Variants in ZNF800 observed in about 807,000 individuals in gnomAD.
ZNF800 encodes zinc finger protein 800.
Under a neutral mutation model 59.5 loss-of-function variants are expected in ZNF800, and 13 were observed. The observed-to-expected ratio is 0.22, with a 90% CI of 0.14 to 0.35. The LOEUF (loss-of-function observed/expected upper bound fraction) is 0.35. ZNF800 is among the 10% of genes least tolerant of loss of function. The pLI is 1.00. For synonymous variants in ZNF800, 266 were observed against 265.7 expected (o/e 1.00, Z -0.01); for missense variants, 621 against 783.7 (o/e 0.79, Z 2.48).
chr7:127,361,267 G>A (rs1373430453), intron 1 of ZNF800: 1 of 152,058 alleles, frequency 6.6e-6, no homozygotes, highest in Non-Finnish European at 1.5e-5. Flanking sequence ...AAAAGAGCAC[G>A]AATTTGCACT....
intron 3 of ZNF800, among the ~76,000 whole-genome samples, chr7:127,378,624 T>G (rs1408759376): frequency 6.6e-6 from 1 of 152,050 alleles, no homozygotes; most frequent in Non-Finnish European, 1.5e-5. Context: ...ATAGCTCAGA[T>G]TCAATATTTT....
At chr7:127,343,589 T>C (rs2116993995), downstream of ZNF800, among the ~76,000 whole-genome samples, 1 of 152,126 alleles carries the variant, frequency 6.6e-6, no homozygotes, top group African/African-American at 2.4e-5. Context: ...ATGTTATGGG[T>C]GAGTTTCTCC....
intron 3 of ZNF800, among the ~76,000 whole-genome samples, chr7:127,378,734 G>C (rs1218462023): frequency 6.6e-6 from 1 of 151,054 alleles, no homozygotes; most frequent in Admixed American, 6.6e-5. Context: ...CACACACAGA[G>C]AGAGAGAGAG....
chr7:127,390,438 G>C (rs764039353), intron 2 of ZNF800, among the ~76,000 whole-genome samples: 3 of 152,196 alleles, frequency 2.0e-5, no homozygotes, highest in Non-Finnish European at 4.4e-5. Flanking sequence ...AAGTACAGTA[G>C]AGATAGGGTT....
At chr7:127,349,580 T>C (rs766267092) in intron 1 of ZNF800, among the ~76,000 whole-genome samples, 2 of 152,176 alleles carry the variant, frequency 1.3e-5, no homozygotes, top group Non-Finnish European at 2.9e-5. Flanking sequence ...ACATAAGTAA[T>C]CACACCATCC....
intron 2 of ZNF800, among the ~76,000 whole-genome samples, chr7:127,386,824 T>C (rs1801148883): frequency 6.6e-6 from 1 of 152,212 alleles, no homozygotes; most frequent in Non-Finnish European, 1.5e-5. Context: ...TCTATGTGTA[T>C]TCACAACAAA....
intron 1 of ZNF800, among the ~76,000 whole-genome samples, chr7:127,357,846 C>G (rs1800305184): frequency 6.7e-6 from 1 of 149,136 alleles, no homozygotes; most frequent in Non-Finnish European, 1.5e-5. Flanking sequence ...GTGGGGGTAA[C>G]AGAGAGAGAG....
At chr7:127,388,682 G>A (rs1587457278) in intron 2 of ZNF800, among the ~76,000 whole-genome samples, 1 of 152,048 alleles carries the variant, frequency 6.6e-6, no homozygotes, top group South Asian at 2.1e-4. Context: ...TTAAAGCTAA[G>A]GCTAAATATT....
chr7:127,343,512 A>G (rs1448726632), downstream of ZNF800, among the ~76,000 whole-genome samples: 1 of 152,000 alleles, frequency 6.6e-6, no homozygotes, highest in Non-Finnish European at 1.5e-5. Context: ...CCATAGAAAA[A>G]GGTTTTTTAA....
intron 1 of ZNF800, among the ~76,000 whole-genome samples, chr7:127,356,783 T>TG (rs200123813): frequency 0.015 from 2,267 of 151,906 alleles, 18 homozygotes; most frequent in Non-Finnish European, 0.021. Flanking sequence ...GTGTGTGTGT[T>TG]TTTTTTACTC....
chr7:127,381,288 A>C (rs879595286), intron 3 of ZNF800, among the ~76,000 whole-genome samples: 5 of 152,226 alleles, frequency 3.3e-5, no homozygotes, highest in African/African-American at 4.8e-5. Flanking sequence ...ATATCATCAA[A>C]ACACTGCAAG....
intron 1 of ZNF800, among the ~76,000 whole-genome samples, chr7:127,356,280 T>TGA (rs202012438): frequency 0.013 from 2,004 of 151,564 alleles, 21 homozygotes; most frequent in Non-Finnish European, 0.022. Flanking sequence ...TATGTGTGTG[T>TGA]GAGAGAGAGA....
intron 1 of ZNF800, among the ~76,000 whole-genome samples, chr7:127,354,225 T>C (rs1415070872): frequency 6.6e-6 from 1 of 152,124 alleles, no homozygotes; most frequent in South Asian, 2.1e-4. Flanking sequence ...TAAATTTCCC[T>C]TATTATTTTT....
At position 127,370,266 on chromosome 7, in the gene ZNF800, T is replaced by C. The variant is rs1800600732; in HGVS notation, c.*1548A>G. The C allele has an allele frequency of 6.6e-6, 1 of 152,398 alleles. No homozygotes were observed. Among genetic ancestry groups the C allele is most frequent in the African/African-American group, 2.4e-5 (1 of 41,472 alleles). The allele number at this position is 152,398 out of a possible 1,614,324, so 9.4% of individuals were successfully genotyped here. On this transcript the variant is annotated 3_prime_UTR_variant, in exon 6 of 6. Coordinates refer to ENST00000265827, the MANE Select transcript of ZNF800 (RefSeq NM_176814.5). ...TAAAACTATCAGAATATAATTCAAGTGTAGCTGCTCATAGTCACTGAATAA... is the reference window on the plus strand; with the variant it reads ...TAAAACTATCAGAATATAATTCAAGCGTAGCTGCTCATAGTCACTGAATAA...
intron 4 of ZNF800, 62 bp from the exon 5 acceptor site, chr7:127,375,096 T>G: frequency 7.4e-7 from 1 of 1,352,070 alleles, no homozygotes; most frequent in South Asian, 1.7e-5. Context: ...CCTCTAATAT[T>G]TTAAGATATA....
downstream of ZNF800, among the ~76,000 whole-genome samples, chr7:127,344,716 G>A (rs1562892241): frequency 6.6e-6 from 1 of 152,078 alleles, no homozygotes; most frequent in Non-Finnish European, 1.5e-5. Context: ...CTCCAAGTGT[G>A]TGTAGGAATT....
At position 127,370,394 on chromosome 7, in the gene ZNF800, A is replaced by G. The variant is rs1043634411; in HGVS notation, c.*1420T>C. The G allele has an allele frequency of 6.6e-6, 1 of 152,604 alleles. No individual in the cohort carries two copies. The highest frequency in any genetic ancestry group is 1.5e-5 in the Non-Finnish European group (1 of 67,990). 9.5% of individuals were successfully genotyped at this position (152,604 alleles called of 1,614,324 possible). On this transcript the variant is annotated 3_prime_UTR_variant, in exon 6 of 6. Transcript: ENST00000265827. Reference sequence around the variant, plus strand: ...ATTCTGGTTTATTTCCATCACATATAGTACATTTTTCCAACAAGAGCATGT... The same window carrying G: ...ATTCTGGTTTATTTCCATCACATATGGTACATTTTTCCAACAAGAGCATGT...
At chr7:127,358,410 C>T (rs1351876966) in intron 1 of ZNF800, among the ~76,000 whole-genome samples, 2 of 152,000 alleles carry the variant, frequency 1.3e-5, no homozygotes, top group African/African-American at 4.8e-5. Flanking sequence ...CTGAAATAGT[C>T]TCTTAATTGA....
intron 3 of ZNF800, among the ~76,000 whole-genome samples, chr7:127,384,401 A>C (rs1801076385): frequency 6.6e-6 from 1 of 150,830 alleles, no homozygotes; most frequent in Admixed American, 6.6e-5. Context: ...CCCCCAGCTA[A>C]TTTTTTGTAT....
Sources: allele counts gnomAD v4.1 joint callset (sites outside exome capture counted in the v4.1 genomes callset), GRCh38; gene constraint gnomAD v4.1.1; transcripts MANE v1.5; gene names NCBI Gene and HGNC (gene_info 2026-07-23, HGNC 2026-07-21).